The following RYR2 variants were observed in gnomAD, a reference collection of about 807,000 sequenced individuals.
The protein encoded by RYR2 is ryanodine receptor 2.
RYR2 carries 227 observed loss-of-function variants against 601.1 expected under a neutral mutation model. The observed-to-expected ratio is 0.38, with a 90% confidence interval of 0.34 to 0.42. The LOEUF (loss-of-function observed/expected upper bound fraction) is 0.42, where lower values mean the gene tolerates loss of function less well. Among genes scored for constraint, RYR2 ranks in the 10% least tolerant of loss-of-function variants. The probability of loss-of-function intolerance (pLI) is 1.00; values close to 1 mark genes in which losing one functional copy is unlikely to be tolerated. For synonymous variants in RYR2, 2,223 were observed against 2,175.1 expected, an observed-to-expected ratio of 1.02 and a Z score of -0.61; for missense variants, 4,646 against 6,156.5, an observed-to-expected ratio of 0.75 and a Z score of 8.21.
At chr1:237,818,523 A>T (rs1662086312) in intron 100 of RYR2, among the ~76,000 whole-genome samples, 2 of 152,080 alleles carry the variant, frequency 1.3e-5, no homozygotes, top group Admixed American at 1.3e-4. Flanking sequence ...TCTCTTTTGT[A>T]TTCTAGATAT....
At chr1:237,757,155 A>G (rs753883973) in intron 81 of RYR2, among the ~76,000 whole-genome samples, 1 of 152,192 alleles carries the variant, frequency 6.6e-6, no homozygotes, top group Non-Finnish European at 1.5e-5. Context: ...GAAGTGAACA[A>G]TGAAAAATGA....
chr1:237,591,819 G>A lies in RYR2; in HGVS notation c.4241G>A (p.Arg1414Gln), dbSNP rs727504850. Residue 1414 changes from arginine to glutamine, a missense_variant, in exon 32 of 105, where the codon CGG (arginine) becomes CAG (glutamine). Coordinates refer to ENST00000366574, the MANE Select transcript of RYR2 (RefSeq NM_001035.3). ...ACCGAAGATGTCCTTGCTGATGATC[G>A]GGATGACTATGATTTCTTGATGCAA... ...RLTEDVLADDRDDYDFLMQTS... is the reference protein window; with the variant it reads ...RLTEDVLADDQDDYDFLMQTS... 81 of 1,613,264 alleles carry A rather than the reference G, an allele frequency of 5.0e-5. No homozygotes were observed. Among genetic ancestry groups the A allele is most frequent in the Non-Finnish European group, 6.6e-5 (78 of 1,179,706 alleles).
chr1:237,276,153 G>A (rs1022988035), intron 2 of RYR2, among the ~76,000 whole-genome samples: 9 of 152,104 alleles, frequency 5.9e-5, no homozygotes, highest in Non-Finnish European at 1.3e-4. Context: ...AGGTTGGAGC[G>A]TGGTAGCACG....
chr1:237,284,764 T>A lies in RYR2; in HGVS notation c.168+14148T>A, dbSNP rs1036545170. ...CACTTGTTGAAGATGGGCATTTTTT[T>A]ATTATTATTATTATTTTCTGCAGCT... On this transcript the variant is annotated intron_variant, in intron 2 of 104. Coordinates refer to ENST00000366574, the MANE Select transcript of RYR2 (RefSeq NM_001035.3). Among the ~76,000 whole-genome samples the A allele has an allele frequency of 4.0e-5, 6 of 151,216 alleles. No homozygotes were observed. In the East Asian group the frequency reaches 9.8e-4, roughly 25 times the overall value.
At chr1:237,121,052 G>GCA (rs1670718346) in intron 1 of RYR2, 1 of 151,566 alleles carries the variant, frequency 6.6e-6, no homozygotes, top group African/African-American at 2.4e-5. Context: ...GTGTGTGTGT[G>GCA]CACATGTGTG....
At chr1:237,801,466 G>T (rs1856580) in intron 97 of RYR2, among the ~76,000 whole-genome samples, 53,924 of 150,050 alleles carry the variant, frequency 0.36, 10,426 homozygotes, top group East Asian at 0.64. Context: ...CGCTTGAACC[G>T]GGGAGGCAGA....
intron 14 of RYR2, among the ~76,000 whole-genome samples, chr1:237,453,899 G>T (rs894198644): frequency 6.6e-6 from 1 of 151,982 alleles, no homozygotes; most frequent in South Asian, 2.1e-4. Context: ...TATATTTACC[G>T]TTTCATAAGC....
chr1:237,793,017 ATC>A (rs1430391869), intron 94 of RYR2, among the ~76,000 whole-genome samples: 4 of 152,176 alleles, frequency 2.6e-5, no homozygotes, highest in African/African-American at 9.7e-5. Context: ...ACCCAAGATA[ATC>A]TCTCTGAGTG....
intron 73 of RYR2, among the ~76,000 whole-genome samples, chr1:237,722,279 C>T (rs1288131708): frequency 6.6e-6 from 1 of 152,070 alleles, no homozygotes; most frequent in African/African-American, 2.4e-5. Flanking sequence ...GGGAAATCTA[C>T]CCAACCACCA....
Position 237,093,282 on chromosome 1 carries a change from G to C in RYR2, c.48+50713G>C, listed in dbSNP as rs556861099. On this transcript the variant is annotated intron_variant, in intron 1 of 104. Transcript: ENST00000366574. ...CTGAAGGACATGTTGTAGTGACATTGGCTGGGACACGACCTCAGAAGCCCA... is the reference window on the plus strand; with the variant it reads ...CTGAAGGACATGTTGTAGTGACATTCGCTGGGACACGACCTCAGAAGCCCA... 2.0e-5 allele frequency among the ~76,000 whole-genome samples: 3 copies of C among 152,318 alleles called. No homozygotes were observed. The South Asian group carries it at 6.2e-4, about 32-fold the overall frequency.
At chr1:237,310,541 C>A (rs1694444785) in intron 2 of RYR2, among the ~76,000 whole-genome samples, 1 of 152,238 alleles carries the variant, frequency 6.6e-6, no homozygotes. Context: ...TCTTTTGCAA[C>A]TTGTGGATTA....
Position 237,782,178 on chromosome 1 carries a change from CTTTTTTT to C in RYR2, c.11962+545_11962+551del, listed in dbSNP as rs35521596. 5.9e-5 allele frequency among the ~76,000 whole-genome samples: 7 copies of C among 119,144 alleles called. No homozygotes were observed. In the East Asian group the frequency reaches 1.8e-3, roughly 31 times the overall value. The allele number at this position is 119,144 out of a possible 152,430, so 78.2% of individuals were successfully genotyped here. On this transcript the variant is annotated intron_variant, in intron 89 of 104. Coordinates refer to ENST00000366574, the MANE Select transcript of RYR2 (RefSeq NM_001035.3). ...TTCTTCCCAGCTTATTTTGTTATTG[CTTTTTTT>C]TTTTTTTTTTTTCCTGTAGCAGGCA...
chr1:237,565,730 T>C (rs911853414), intron 27 of RYR2, among the ~76,000 whole-genome samples: 3 of 152,142 alleles, frequency 2.0e-5, no homozygotes, highest in Non-Finnish European at 4.4e-5. Flanking sequence ...CCACCTTCTT[T>C]GAGATATCAA....
chr1:237,629,288 T>C (rs940165085), intron 41 of RYR2, among the ~76,000 whole-genome samples: 10 of 152,138 alleles, frequency 6.6e-5, no homozygotes, highest in Non-Finnish European at 1.3e-4. Flanking sequence ...GGCTGTTTTT[T>C]TGTGGTACAG....
chr1:237,369,235 G>A (rs1163319520), intron 5 of RYR2, among the ~76,000 whole-genome samples: 1 of 151,958 alleles, frequency 6.6e-6, no homozygotes, highest in African/African-American at 2.4e-5. Flanking sequence ...ATAATATAAT[G>A]GGAAAGAGAT....
intron 1 of RYR2, among the ~76,000 whole-genome samples, chr1:237,161,696 T>C (rs1052913920): frequency 6.6e-6 from 1 of 152,182 alleles, no homozygotes; most frequent in Non-Finnish European, 1.5e-5. Flanking sequence ...CATGCAAATA[T>C]TCTTATTAAT....
chr1:237,443,012 C>T (rs1378006937), intron 13 of RYR2, among the ~76,000 whole-genome samples: 1 of 152,136 alleles, frequency 6.6e-6, no homozygotes, highest in Non-Finnish European at 1.5e-5. Context: ...GTCTTTGGTT[C>T]CTGTTTTCGT....
chr1:237,541,680 G>A (rs954728567), intron 25 of RYR2, among the ~76,000 whole-genome samples: 1 of 152,144 alleles, frequency 6.6e-6, no homozygotes, highest in African/African-American at 2.4e-5. Context: ...GAGAGTCAGC[G>A]AAGGGAGATA....
chr1:237,081,374 T>G (rs2148396620), intron 1 of RYR2, among the ~76,000 whole-genome samples: 1 of 151,750 alleles, frequency 6.6e-6, no homozygotes, highest in African/African-American at 2.4e-5. Flanking sequence ...TCCACAGGTT[T>G]GTGCCCCTCA....
Sources: gnomAD v4.1 joint callset for allele counts (sites outside exome capture counted in the v4.1 genomes callset) on GRCh38, gnomAD v4.1.1 for gene constraint, MANE v1.5 for transcripts, NCBI Gene and HGNC (gene_info 2026-07-23, HGNC 2026-07-21) for gene names.